Variants in EPHA6 observed in about 807,000 individuals in gnomAD.
EPHA6 encodes EPH receptor A6.
EPHA6 carries 50 observed loss-of-function variants against 112.0 expected under a neutral mutation model. The observed-to-expected ratio is 0.45, with a 90% CI of 0.36 to 0.56. The LOEUF (loss-of-function observed/expected upper bound fraction) is 0.56, where lower values mean the gene tolerates loss of function less well. Ranked by LOEUF, EPHA6 falls within the 20% of genes least tolerant of loss-of-function variation. The pLI, the probability that EPHA6 is intolerant of heterozygous loss-of-function variation, is 0.00. For missense variants in EPHA6, 1,280 were observed against 1,417.4 expected (o/e 0.90, Z 1.56); for synonymous variants, 529 against 490.7 (o/e 1.08, Z -1.03).
chr3:97,443,774 A>T (rs1431385830), intron 6 of EPHA6, among the ~76,000 whole-genome samples: 1 of 152,198 alleles, frequency 6.6e-6, no homozygotes. Context: ...ATATAAACAT[A>T]GTCTAATGAT....
intron 5 of EPHA6, among the ~76,000 whole-genome samples, chr3:97,286,566 A>C (rs1559852623): frequency 6.6e-6 from 1 of 151,996 alleles, no homozygotes; most frequent in Non-Finnish European, 1.5e-5. Context: ...ACTTACTTCT[A>C]GGTTCTTTAT....
chr3:96,875,144 G>A (rs755385131), intron 2 of EPHA6, among the ~76,000 whole-genome samples: 53 of 152,094 alleles, frequency 3.5e-4, no homozygotes, highest in Admixed American at 1.6e-3. Context: ...AATAATAACA[G>A]TGAAACACCA....
chr3:97,143,475 G>C (rs73133004), intron 3 of EPHA6, among the ~76,000 whole-genome samples: 14 of 151,832 alleles, frequency 9.2e-5, no homozygotes, highest in Non-Finnish European at 1.8e-4. Flanking sequence ...TACCATATCT[G>C]TATTCTCTTA....
At chr3:97,319,734 G>A (rs1461625815) in intron 5 of EPHA6, among the ~76,000 whole-genome samples, 2 of 148,912 alleles carry the variant, frequency 1.3e-5, no homozygotes, top group African/African-American at 2.5e-5. Flanking sequence ...AAAAAAACAG[G>A]AAAAATATAT....
chr3:97,532,320 C>T (rs778015722), intron 10 of EPHA6, 38 bp from the exon 11 acceptor site: 22 of 1,551,854 alleles, frequency 1.4e-5, no homozygotes, highest in South Asian at 3.6e-5. Context: ...TGTAAGTGTT[C>T]GGTTTAATCA....
At chr3:97,328,373 A>G (rs1008838961) in intron 5 of EPHA6, among the ~76,000 whole-genome samples, 2 of 151,810 alleles carry the variant, frequency 1.3e-5, no homozygotes, top group East Asian at 3.9e-4. Flanking sequence ...TGGTATCATC[A>G]CTGTTTTTTA....
At chr3:97,016,588 G>T (rs2044274117) in intron 3 of EPHA6, among the ~76,000 whole-genome samples, 1 of 152,170 alleles carries the variant, frequency 6.6e-6, no homozygotes, top group South Asian at 2.1e-4. Flanking sequence ...AAAATAAACT[G>T]TATTTTAAAG....
At chr3:97,014,795 T>G (rs1559669677) in intron 3 of EPHA6, among the ~76,000 whole-genome samples, 3 of 152,184 alleles carry the variant, frequency 2.0e-5, no homozygotes, top group Admixed American at 1.3e-4. Flanking sequence ...GATCAGAAAT[T>G]CTTTTTTGAG....
chr3:97,280,145 A>G (rs906694764), intron 5 of EPHA6, among the ~76,000 whole-genome samples: 1 of 152,192 alleles, frequency 6.6e-6, no homozygotes, highest in Non-Finnish European at 1.5e-5. Flanking sequence ...TGGCCTCCCA[A>G]AGTGCTGGGA....
intron 1 of EPHA6, among the ~76,000 whole-genome samples, chr3:96,835,933 C>T (rs926038579): frequency 7.9e-5 from 12 of 151,850 alleles, no homozygotes; most frequent in African/African-American, 2.7e-4. Flanking sequence ...AAAATATTGC[C>T]AAGAATGTCA....
chr3:97,154,298 C>T (rs1277075218), intron 3 of EPHA6, among the ~76,000 whole-genome samples: 1 of 151,344 alleles, frequency 6.6e-6, no homozygotes, highest in African/African-American at 2.4e-5. Flanking sequence ...TTTTCATTTT[C>T]TTCCCCTATG....
chr3:97,338,369 C>A (rs1272482957), intron 5 of EPHA6, among the ~76,000 whole-genome samples: 2 of 152,074 alleles, frequency 1.3e-5, no homozygotes, highest in African/African-American at 2.4e-5. Context: ...CTGGGGGGTC[C>A]TTGAAATGCA....
chr3:97,490,105 A>G (rs1212989892), intron 10 of EPHA6, among the ~76,000 whole-genome samples: 1 of 152,042 alleles, frequency 6.6e-6, no homozygotes, highest in Non-Finnish European at 1.5e-5. Flanking sequence ...TCTTAAACTA[A>G]TTTAAAAAAA....
intron 5 of EPHA6, among the ~76,000 whole-genome samples, chr3:97,290,471 A>G (rs532676979): frequency 1.6e-4 from 25 of 152,220 alleles, no homozygotes; most frequent in Admixed American, 1.4e-3. Context: ...CAAGTGTTGA[A>G]TTTACATCCA....
intron 15 of EPHA6, among the ~76,000 whole-genome samples, chr3:97,721,256 C>T (rs531127264): frequency 6.6e-6 from 1 of 152,282 alleles, no homozygotes; most frequent in Non-Finnish European, 1.5e-5. Context: ...ATTGCCACAT[C>T]TCATTTATTT....
At chr3:97,215,550 G>T (rs1031021486) in intron 3 of EPHA6, among the ~76,000 whole-genome samples, 1 of 151,504 alleles carries the variant, frequency 6.6e-6, no homozygotes, top group East Asian at 1.9e-4. Flanking sequence ...GGCGGAGGTT[G>T]CAGTGAGCTG....
At chr3:97,367,194 C>G (rs1334256437) in intron 5 of EPHA6, among the ~76,000 whole-genome samples, 2 of 152,198 alleles carry the variant, frequency 1.3e-5, no homozygotes, top group Non-Finnish European at 2.9e-5. Context: ...TATTGTGTTA[C>G]ATACACTACA....
chr3:96,878,662 C>T (rs184051305), intron 2 of EPHA6, among the ~76,000 whole-genome samples: 128 of 152,026 alleles, frequency 8.4e-4, no homozygotes, highest in Admixed American at 2.5e-3. Context: ...TATCACACAG[C>T]CCCCAGCTAT....
At chr3:97,340,008 G>GAT (rs760872659) in intron 5 of EPHA6, among the ~76,000 whole-genome samples, 6 of 152,164 alleles carry the variant, frequency 3.9e-5, no homozygotes, top group African/African-American at 9.7e-5. Flanking sequence ...GAGGGCTTGG[G>GAT]ATATATGAAA....
Sources: allele counts gnomAD v4.1 joint callset (sites outside exome capture counted in the v4.1 genomes callset), GRCh38; gene constraint gnomAD v4.1.1; transcripts MANE v1.5; gene names NCBI Gene and HGNC (gene_info 2026-07-23, HGNC 2026-07-21).